DNAAF11: variants seen among roughly 807,000 people sequenced by gnomAD.
DNAAF11 encodes the protein dynein axonemal assembly factor 11.
In DNAAF11, 45 loss-of-function variants were observed where a neutral mutation model predicts 60.8. That is an observed-to-expected ratio of 0.74 (90% CI 0.58 to 0.95). The LOEUF (loss-of-function observed/expected upper bound fraction) is 0.95. Among genes scored for constraint, DNAAF11 ranks in the 40% least tolerant of loss-of-function variants. The pLI is 0.00. For missense variants in DNAAF11, 546 were observed against 546.2 expected, an observed-to-expected ratio of 1.00 and a Z score of 0.00; for synonymous variants, 191 against 183.5, an observed-to-expected ratio of 1.04 and a Z score of -0.33.
chr8:132,582,898 G>A (rs1815483807), intron 11 of DNAAF11, among the ~76,000 whole-genome samples: 1 of 152,198 alleles, frequency 6.6e-6, no homozygotes, highest in Non-Finnish European at 1.5e-5. Context: ...TGGAAGAACT[G>A]GGATCTCATT....
intron 3 of DNAAF11, among the ~76,000 whole-genome samples, chr8:132,648,443 C>T (rs974697308): frequency 2.6e-5 from 4 of 152,160 alleles, no homozygotes; most frequent in African/African-American, 9.7e-5. Flanking sequence ...CCTTTGAAAA[C>T]TGGCACAAGA....
At chr8:132,615,522 TTCTTTTTTCTTGCTA>T (rs1190309392) in intron 7 of DNAAF11, among the ~76,000 whole-genome samples, 1 of 152,264 alleles carries the variant, frequency 6.6e-6, no homozygotes, top group Non-Finnish European at 1.5e-5. Flanking sequence ...CCTGTCTTCC[TTCTTTTTTCTTGCTA>T]TCTTTTTTCT....
At chr8:132,683,343 A>G in the DNAAF11 span, among the ~76,000 whole-genome samples, 5 of 152,154 alleles carry the variant, frequency 3.3e-5, no homozygotes, top group African/African-American at 4.8e-5. Context: ...ATACTCCACA[A>G]ATTAGGGTTG....
At chr8:132,665,810 A>G (rs1824569596) in intron 1 of DNAAF11, among the ~76,000 whole-genome samples, 1 of 152,252 alleles carries the variant, frequency 6.6e-6, no homozygotes, top group South Asian at 2.1e-4. Flanking sequence ...GTGCTACTGC[A>G]GCACTATTCA....
At chr8:132,687,316 G>A in the DNAAF11 span, 49,405 of 180,182 alleles carry the variant, frequency 0.27, 7,253 homozygotes, top group East Asian at 0.37. Flanking sequence ...TTTCCAAACA[G>A]CCACTTTGTG....
chr8:132,609,723 C>A (rs751024037), intron 10 of DNAAF11, among the ~76,000 whole-genome samples: 1 of 152,158 alleles, frequency 6.6e-6, no homozygotes, highest in African/African-American at 2.4e-5. Context: ...AGAATTGACA[C>A]ATCAGAAAGA....
At chr8:132,630,876 A>G (rs1203728690) in intron 5 of DNAAF11, among the ~76,000 whole-genome samples, 3 of 152,226 alleles carry the variant, frequency 2.0e-5, no homozygotes, top group African/African-American at 7.2e-5. Flanking sequence ...ATTTTTAAAT[A>G]TCATATTATC....
At chr8:132,664,084 A>G (rs1315670922) in intron 1 of DNAAF11, among the ~76,000 whole-genome samples, 2 of 152,258 alleles carry the variant, frequency 1.3e-5, no homozygotes, top group East Asian at 3.8e-4. Context: ...TCAAGGTAAG[A>G]AGACATATTT....
Position 132,604,252 on chromosome 8 carries a change from C to A in DNAAF11, c.1140+5914G>T, listed in dbSNP as rs1045339020. On this transcript the variant is annotated intron_variant, in intron 10 of 11. Coordinates refer to ENST00000620350, the MANE Select transcript of DNAAF11 (RefSeq NM_012472.6). ...TGGGTATATCACCAGTATATTTGAG[C>A]AGAGAAAAAGTGGAATGTGTGCAAC... Among the ~76,000 whole-genome samples, 3 of 152,078 alleles carry A rather than the reference C, an allele frequency of 2.0e-5. No homozygotes were observed. In the East Asian group the frequency reaches 5.8e-4, roughly 29 times the overall value.
At chr8:132,678,147 T>C (rs944751690), upstream of DNAAF11, among the ~76,000 whole-genome samples, 2 of 152,192 alleles carry the variant, frequency 1.3e-5, no homozygotes, top group African/African-American at 4.8e-5. Flanking sequence ...GGAGCACCCT[T>C]TAAATTATCA....
At chr8:132,591,647 A>C (rs1470626781) in intron 10 of DNAAF11, among the ~76,000 whole-genome samples, 2 of 152,048 alleles carry the variant, frequency 1.3e-5, no homozygotes, top group Admixed American at 6.6e-5. Flanking sequence ...TTAAAAAATT[A>C]TATCTTAACT....
chr8:132,673,965 G>A (rs895706912), intron 1 of DNAAF11, among the ~76,000 whole-genome samples: 1 of 152,014 alleles, frequency 6.6e-6, no homozygotes, highest in Non-Finnish European at 1.5e-5. Context: ...GAGAAAGAGG[G>A]CAAAGGAAAA....
chr8:132,695,935 G>C, the DNAAF11 span, among the ~76,000 whole-genome samples: 1 of 152,200 alleles, frequency 6.6e-6, no homozygotes, highest in Admixed American at 6.5e-5. Context: ...TTGAGGATAA[G>C]TGAAAAGGTG....
upstream of DNAAF11, chr8:132,675,574 G>A: frequency 2.9e-6 from 4 of 1,395,712 alleles, no homozygotes; most frequent in Non-Finnish European, 3.8e-6. Context: ...CTGCTCCTCA[G>A]CGCGTCCCCG....
intron 3 of DNAAF11, among the ~76,000 whole-genome samples, chr8:132,652,741 T>A (rs1823144720): frequency 6.6e-6 from 1 of 151,574 alleles, no homozygotes. Context: ...AATTGAACAA[T>A]AAGAACACAT....
At chr8:132,676,891 A>G (rs1329652645), upstream of DNAAF11, among the ~76,000 whole-genome samples, 3 of 152,342 alleles carry the variant, frequency 2.0e-5, no homozygotes, top group African/African-American at 7.2e-5. Context: ...GAGGCCTCCC[A>G]AAAGGCACTC....
chr8:132,656,533 G>A (rs1031002317), intron 3 of DNAAF11, among the ~76,000 whole-genome samples: 4 of 152,126 alleles, frequency 2.6e-5, no homozygotes, highest in African/African-American at 7.2e-5. Flanking sequence ...GTGCAATGGC[G>A]CAATCTCAGC....
At chr8:132,691,874 C>T in the DNAAF11 span, among the ~76,000 whole-genome samples, 3 of 152,062 alleles carry the variant, frequency 2.0e-5, no homozygotes, top group Admixed American at 6.5e-5. Context: ...GGATTATGAA[C>T]AAGGGGGATG....
chr8:132,673,576 T>C (rs1825397589), intron 1 of DNAAF11, among the ~76,000 whole-genome samples: 1 of 152,146 alleles, frequency 6.6e-6, no homozygotes, highest in South Asian at 2.1e-4. Flanking sequence ...CTTCCTTATC[T>C]CTTTGCTCTC....
Sources: gnomAD v4.1 joint callset for allele counts (sites outside exome capture counted in the v4.1 genomes callset) on GRCh38, gnomAD v4.1.1 for gene constraint, MANE v1.5 for transcripts, NCBI Gene and HGNC (gene_info 2026-07-23, HGNC 2026-07-21) for gene names.